Variants in LINGO2 observed in about 807,000 individuals in gnomAD.
The protein encoded by LINGO2 is leucine-rich repeat and immunoglobulin-like domain-containing nogo receptor-interacting protein 2.
A neutral mutation model predicts 30.6 loss-of-function variants in LINGO2; 14 were observed. The ratio of observed to expected loss-of-function variants is 0.46; its 90% CI spans 0.30 to 0.72. LINGO2 has a LOEUF of 0.72. Among genes scored for constraint, LINGO2 ranks in the 30% least tolerant of loss-of-function variants. The pLI is 0.07. For missense variants in LINGO2, 729 were observed against 751.7 expected, an observed-to-expected ratio of 0.97 and a Z score of 0.35; for synonymous variants, 317 against 288.5, an observed-to-expected ratio of 1.10 and a Z score of -1.00.
the LINGO2 span, among the ~76,000 whole-genome samples, chr9:28,829,869 G>A: frequency 1.3e-5 from 2 of 152,080 alleles, no homozygotes; most frequent in Non-Finnish European, 1.5e-5. Context: ...CAGCCTGGGC[G>A]AAAGAGAGAA....
chr9:28,560,828 G>T (rs1002337638), intron 1 of LINGO2, among the ~76,000 whole-genome samples: 2 of 151,724 alleles, frequency 1.3e-5, no homozygotes, highest in Non-Finnish European at 2.9e-5. Context: ...CACCATGCTT[G>T]GCTAATTTGT....
chr9:28,728,746 A>G, the LINGO2 span, among the ~76,000 whole-genome samples: 1 of 152,130 alleles, frequency 6.6e-6, no homozygotes, highest in East Asian at 1.9e-4. Flanking sequence ...GAGCAAACAA[A>G]GGGAAAATGT....
rs533542235 is a variant in LINGO2 at position 28,081,459 on chromosome 9, G to T, written c.-86-69054C>A. ...TTAGAGCTTGGTAGGCTTTCATGTG[G>T]TATATAATGGTAATGTTCATTTGGG... On this transcript the variant is annotated intron_variant, in intron 4 of 5. Coordinates refer to ENST00000379992, the Ensembl canonical transcript of LINGO2. Among the ~76,000 whole-genome samples, 4 of 152,240 alleles carry T rather than the reference G, an allele frequency of 2.6e-5. No homozygotes were observed. The East Asian group carries it at 7.7e-4, about 29-fold the overall frequency.
chr9:28,639,326 T>G (rs1376783322), intron 1 of LINGO2, among the ~76,000 whole-genome samples: 1 of 152,186 alleles, frequency 6.6e-6, no homozygotes, highest in Admixed American at 6.6e-5. Flanking sequence ...TCTGTAGATG[T>G]CTATTAGGTG....
the LINGO2 span, among the ~76,000 whole-genome samples, chr9:28,712,776 T>C: frequency 1.0e-3 from 156 of 152,236 alleles, no homozygotes; most frequent in African/African-American, 3.4e-3. Flanking sequence ...AACATTTTTG[T>C]TGCATGTGTT....
At chr9:29,150,137 A>C in the LINGO2 span, among the ~76,000 whole-genome samples, 1 of 152,220 alleles carries the variant, frequency 6.6e-6, no homozygotes, top group African/African-American at 2.4e-5. Flanking sequence ...TTTACAGGAT[A>C]GCAGCCCAAA....
At chr9:28,101,173 A>C (rs1826405393) in intron 4 of LINGO2, among the ~76,000 whole-genome samples, 1 of 152,134 alleles carries the variant, frequency 6.6e-6, no homozygotes, top group South Asian at 2.1e-4. Flanking sequence ...ATAAAATAAC[A>C]TTTGTTTTTG....
At chr9:29,177,033 A>G in the LINGO2 span, among the ~76,000 whole-genome samples, 2 of 152,248 alleles carry the variant, frequency 1.3e-5, no homozygotes, top group Admixed American at 6.5e-5. Context: ...CTCAATGCTT[A>G]ATGAGCATGA....
At chr9:28,771,833 G>A in the LINGO2 span, among the ~76,000 whole-genome samples, 78 of 152,166 alleles carry the variant, frequency 5.1e-4, no homozygotes, top group African/African-American at 1.8e-3. Context: ...CCTAGAATAT[G>A]TCTCAGTATA....
chr9:28,777,332 A>G, the LINGO2 span, among the ~76,000 whole-genome samples: 3 of 152,190 alleles, frequency 2.0e-5, no homozygotes, highest in Non-Finnish European at 4.4e-5. Context: ...AACTTGAAAC[A>G]ATACCTCTAA....
At chr9:28,151,622 G>C (rs909528794) in intron 4 of LINGO2, among the ~76,000 whole-genome samples, 3 of 151,656 alleles carry the variant, frequency 2.0e-5, no homozygotes, top group Non-Finnish European at 4.4e-5. Flanking sequence ...TTTAAATAAA[G>C]AAGGAAATAT....
chr9:28,994,105 A>G, the LINGO2 span, among the ~76,000 whole-genome samples: 2 of 151,958 alleles, frequency 1.3e-5, no homozygotes, highest in African/African-American at 2.4e-5. Context: ...ACATGATTGT[A>G]TATCTAGAAA....
chr9:28,993,505 A>G, the LINGO2 span, among the ~76,000 whole-genome samples: 78,044 of 151,602 alleles, frequency 0.51, 21,207 homozygotes, highest in Non-Finnish European at 0.6. Context: ...AATCCTCCCT[A>G]ACTCATTTTA....
rs376089526 is a variant in LINGO2, at chr9:28,560,607, A to G, written c.-364-84582T>C. Among the ~76,000 whole-genome samples the G allele has an allele frequency of 4.8e-3, 727 of 152,116 alleles. 3 individuals carry two copies. The highest frequency in any genetic ancestry group is 6.5e-3 in the Non-Finnish European group (440 of 68,002). Reference sequence around the variant, plus strand: ...TAGCAGGCATTATTTGGGTGTGATTATATATATATTTGAGTCTTTATGCCA... The same window carrying G: ...TAGCAGGCATTATTTGGGTGTGATTGTATATATATTTGAGTCTTTATGCCA... On this transcript the variant is annotated intron_variant, in intron 1 of 5. Transcript: ENST00000379992.
intron 1 of LINGO2, among the ~76,000 whole-genome samples, chr9:28,528,506 A>G (rs1821112263): frequency 1.3e-5 from 2 of 152,192 alleles, no homozygotes; most frequent in Non-Finnish European, 2.9e-5. Flanking sequence ...GGCAGTCAAT[A>G]AATTAATTCA....
At chr9:29,136,049 T>A in the LINGO2 span, among the ~76,000 whole-genome samples, 2 of 152,192 alleles carry the variant, frequency 1.3e-5, no homozygotes, top group East Asian at 3.9e-4. Context: ...CTCCCAATTA[T>A]CACAGTTTGA....
intron 4 of LINGO2, among the ~76,000 whole-genome samples, chr9:28,020,206 T>C (rs377489630): frequency 8.5e-5 from 13 of 152,314 alleles, no homozygotes; most frequent in African/African-American, 3.1e-4. Context: ...GCAGGAGCAC[T>C]GAGAGCACAG....
At chr9:28,034,495 C>G (rs997251032) in intron 4 of LINGO2, among the ~76,000 whole-genome samples, 6 of 152,236 alleles carry the variant, frequency 3.9e-5, no homozygotes, top group African/African-American at 1.4e-4. Flanking sequence ...TTTTGTGGCC[C>G]AGAAGCCCAG....
chr9:28,903,862 C>T, the LINGO2 span, among the ~76,000 whole-genome samples: 1 of 152,042 alleles, frequency 6.6e-6, no homozygotes, highest in Non-Finnish European at 1.5e-5. Context: ...CTTCAAAATT[C>T]ATCCAATGGG....
Sources: gnomAD v4.1 joint callset for allele counts (sites outside exome capture counted in the v4.1 genomes callset) on GRCh38, gnomAD v4.1.1 for gene constraint, MANE v1.5 for transcripts, NCBI Gene and HGNC (gene_info 2026-07-23, HGNC 2026-07-21) for gene names.